Variants in TTN observed in about 807,000 individuals in gnomAD.
TTN encodes the protein titin.
In TTN, 1,525 loss-of-function variants were observed where a neutral mutation model predicts 3,223.0. That is an observed-to-expected ratio of 0.47 (90% confidence interval 0.45 to 0.49). The LOEUF (loss-of-function observed/expected upper bound fraction) is 0.49. TTN is among the 20% of genes least tolerant of loss of function. The pLI is 0.00. For synonymous variants in TTN, 14,094 were observed against 15,161.0 expected, an observed-to-expected ratio of 0.93 and a Z score of 5.17; for missense variants, 40,786 against 43,424.0, an observed-to-expected ratio of 0.94 and a Z score of 5.40.
At chr2:178,584,632 A>C (rs1191446544) in intron 310 of TTN, 37 bp downstream of exon 310, 1 of 1,610,380 alleles carries the variant, frequency 6.2e-7, no homozygotes, top group Non-Finnish European at 8.5e-7. Context: ...ACAAACTAGA[A>C]AGAAAACAAC....
At chr2:178,702,705 G>A (rs771004496) in intron 106 of TTN, 42 bp from the exon 107 acceptor site, 3 of 1,534,516 alleles carry the variant, frequency 2.0e-6, no homozygotes, top group South Asian at 2.5e-5. Context: ...ATTATATAGA[G>A]AGGAATTTCT....
At chr2:178,733,969 T>C in intron 52 of TTN, 77 bp from the exon 53 acceptor site, 2 of 1,363,852 alleles carry the variant, frequency 1.5e-6, no homozygotes, top group Non-Finnish European at 2.0e-6. Flanking sequence ...AAGAGTTTTT[T>C]CAAGATTATA....
chr2:178,747,748 A>C (rs756921400), intron 47 of TTN: 4 of 1,611,580 alleles, frequency 2.5e-6, no homozygotes, highest in Non-Finnish European at 3.4e-6. Flanking sequence ...GAATATTTTG[A>C]GAAAAACTAG....
At chr2:178,779,586 GGTTT>G in intron 22 of TTN, 124 bp from the exon 23 acceptor site, 2 of 687,420 alleles carry the variant, frequency 2.9e-6, no homozygotes, top group South Asian at 2.0e-5. Flanking sequence ...AGGACTTTTT[GGTTT>G]GTTTGTTTTA....
chr2:178,694,710 G>A, intron 116 of TTN, 34 bp from the exon 117 acceptor site: 14 of 1,521,466 alleles, frequency 9.2e-6, no homozygotes, highest in Non-Finnish European at 1.2e-5. Context: ...TTTGTATTTT[G>A]AAGAATATTG....
intron 13 of TTN, among the ~76,000 whole-genome samples, chr2:178,787,257 T>C (rs896366789): frequency 6.6e-6 from 1 of 152,116 alleles, no homozygotes; most frequent in Admixed American, 6.5e-5. Flanking sequence ...AATTGGGTCT[T>C]TAGTGATCAT....
At chr2:178,695,164 C>A (rs2073408899) in intron 115 of TTN, among the ~76,000 whole-genome samples, 184 bp downstream of exon 115, 1 of 151,224 alleles carries the variant, frequency 6.6e-6, no homozygotes, top group Non-Finnish European at 1.5e-5. Context: ...CAATTTTTAT[C>A]ATCTTTTGAT....
chr2:178,600,090 T>A (rs2052910763), intron 288 of TTN, among the ~76,000 whole-genome samples: 1 of 151,956 alleles, frequency 6.6e-6, no homozygotes, highest in African/African-American at 2.4e-5. Flanking sequence ...TCACTTTATT[T>A]GGCATCATTA....
At chr2:178,783,967 G>A in intron 16 of TTN, 103 bp downstream of exon 16, 3 of 1,584,706 alleles carry the variant, frequency 1.9e-6, no homozygotes, top group Non-Finnish European at 2.6e-6. Context: ...TGGCAAAGGA[G>A]AAAGGCAAGA....
Position 178,530,340 on chromosome 2 carries a change from C to G in TTN, c.106275G>C (p.Gly35425=), listed in dbSNP as rs56207956. The change falls in exon 358 of 363, where the codon GGG becomes GGC. Residue 35425 remains glycine, a synonymous_variant. Coordinates refer to ENST00000589042, the MANE Select transcript of TTN (RefSeq NM_001267550.2). ...PISSKPVIVT[G]LQDTTVSSDS... is the part of the protein sequence containing the mutation. ...CTGAAGAAACAGTTGTATCCTGCAA[C>G]CCAGTAACAATTACTGGTTTTGAGG... 0.08 allele frequency: 128,733 copies of G among 1,613,868 alleles called. 5,714 individuals carry two copies. The highest frequency in any genetic ancestry group is 0.09 in the Non-Finnish European group (106,480 of 1,179,854).
chr2:178,610,627 G>A (rs926937814), intron 270 of TTN, among the ~76,000 whole-genome samples: 30 of 151,914 alleles, frequency 2.0e-4, no homozygotes, highest in African/African-American at 7.0e-4. Context: ...GACATTATTT[G>A]CAGGGCTGGG....
chr2:178,790,254 A>G (rs777127803), intron 11 of TTN, 139 bp from the exon 12 acceptor site: 1 of 896,156 alleles, frequency 1.1e-6, no homozygotes, highest in Non-Finnish European at 1.6e-6. Flanking sequence ...ATATCATTTG[A>G]GTTACTTTGA....
chr2:178,646,065 A>C (rs1189949688), intron 216 of TTN, 35 bp from the exon 217 acceptor site: 15 of 1,067,724 alleles, frequency 1.4e-5, no homozygotes, highest in Admixed American at 4.3e-5. Context: ...TAGTATATGT[A>C]TATGTTAGCA....
chr2:178,664,349 A>G, intron 168 of TTN, 111 bp downstream of exon 168: 3 of 911,866 alleles, frequency 3.3e-6, no homozygotes, highest in Middle Eastern at 3.1e-4. Flanking sequence ...GCAAGAGTCA[A>G]CACAGACATG....
chr2:178,569,855 C>G lies in TTN; in HGVS notation c.76277G>C (p.Trp25426Ser). ...DITRSSVFLS[W>S]SKPIYDGGCE... ...GCCACCATCATATATTGGTTTGCTC[C>G]AAGAAAGGAATACTGAAGATCTGGT... The change falls in exon 326 of 363, where the codon TGG (tryptophan) becomes TCG (serine). Residue 25426 changes from tryptophan to serine, a missense_variant. Coordinates refer to ENST00000589042, the MANE Select transcript of TTN (RefSeq NM_001267550.2). The G allele has an allele frequency of 6.2e-7, 1 of 1,613,354 alleles. No homozygotes were observed.
chr2:178,693,756 A>G, intron 118 of TTN, 67 bp from the exon 119 acceptor site: 1 of 1,335,790 alleles, frequency 7.5e-7, no homozygotes, highest in Non-Finnish European at 1.0e-6. Flanking sequence ...ATTTACAAAG[A>G]ACATTAAAAT....
chr2:178,664,552 A>G lies in TTN; in HGVS notation c.36203-15T>C, dbSNP rs779172560. 5.6e-6 allele frequency: 9 copies of G among 1,606,414 alleles called. No homozygotes were observed. Among genetic ancestry groups the G allele is most frequent in the Middle Eastern group, 1.7e-4 (1 of 6,024 alleles). ...AGCCTCCGGCACTTTGAAGATATTA[A>G]TAATTTTACATTTAGAAGTTACAAG... On this transcript the variant is annotated splice_polypyrimidine_tract_variant and intron_variant, in intron 167 of 362. Transcript: ENST00000589042.
chr2:178,576,666 G>A lies in TTN; in HGVS notation c.69578C>T (p.Pro23193Leu). 6.2e-7 allele frequency: 1 copy of A among 1,613,490 alleles called. No individual in the cohort carries two copies. Residue 23193 changes from proline (P) to leucine (L), a missense_variant, in exon 325 of 363, where the codon CCA becomes CTA. Transcript: ENST00000589042. This position sits in a 1 kb window ranked among gnomAD's most constrained non-coding sequence, Gnocchi z 4.3. ...TACTTTGCACCTGAGATCGGAAACTGGTGTTTTTATTGCTCTCACCCATCG... is the reference window on the plus strand; with the variant it reads ...TACTTTGCACCTGAGATCGGAAACTAGTGTTTTTATTGCTCTCACCCATCG... The part of the protein sequence containing the change: ...SLRWVRAIKT[P>L]VSDLRCKVTG...
chr2:178,720,645 T>C lies in TTN; in HGVS notation c.23117A>G (p.Gln7706Arg). The C allele has an allele frequency of 2.5e-6, 4 of 1,596,228 alleles. No individual in the cohort carries two copies. Among genetic ancestry groups the C allele is most frequent in the Non-Finnish European group, 3.4e-6 (4 of 1,173,108 alleles). ...LTVKAPPVFT[Q>R]KPSPVGALKG... is the part of the protein sequence containing the mutation. The stretch of plus-strand genomic sequence containing the variant: ...AAGAGCTCCTACTGGAGAAGGCTTC[T>C]GGGTGAAAACAGGAGGTGCTACCAG... The change falls in exon 80 of 363, where the codon CAG becomes CGG. Residue 7706 changes from glutamine to arginine, a missense_variant. Coordinates refer to ENST00000589042, the MANE Select transcript of TTN (RefSeq NM_001267550.2).
Sources: allele counts gnomAD v4.1 joint callset (sites outside exome capture counted in the v4.1 genomes callset), GRCh38; gene constraint gnomAD v4.1.1; non-coding constraint Gnocchi (gnomAD v3.1); transcripts MANE v1.5; gene names NCBI Gene and HGNC (gene_info 2026-07-23, HGNC 2026-07-21).